The following SLC44A5 variants were observed in gnomAD, a reference collection of about 807,000 sequenced individuals.
The protein encoded by SLC44A5 is solute carrier family 44 member 5, also known as choline transporter-like protein 5.
In SLC44A5, 57 loss-of-function variants were observed where a neutral mutation model predicts 101.8. The observed-to-expected ratio is 0.56, with a 90% CI of 0.45 to 0.70. SLC44A5 has a LOEUF of 0.70. Ranked by LOEUF, SLC44A5 falls within the 30% of genes least tolerant of loss-of-function variation. The pLI is 0.00. For synonymous variants in SLC44A5, 281 were observed against 290.9 expected, an observed-to-expected ratio of 0.97 and a Z score of 0.35; for missense variants, 737 against 853.1, an observed-to-expected ratio of 0.86 and a Z score of 1.70.
intron 5 of SLC44A5, among the ~76,000 whole-genome samples, chr1:75,277,389 C>T (rs1174098709): frequency 6.6e-6 from 1 of 152,174 alleles, no homozygotes; most frequent in East Asian, 1.9e-4. Context: ...GTATAGATAG[C>T]TGCAGCTCAG....
intron 1 of SLC44A5, among the ~76,000 whole-genome samples, chr1:75,551,687 C>T (rs1480988795): frequency 6.6e-6 from 1 of 151,926 alleles, no homozygotes; most frequent in Admixed American, 6.6e-5. Context: ...AGAACCTGGG[C>T]AATGAAAAGC....
intron 3 of SLC44A5, among the ~76,000 whole-genome samples, chr1:75,383,614 C>A (rs1296331047): frequency 6.6e-6 from 1 of 152,108 alleles, no homozygotes; most frequent in African/African-American, 2.4e-5. Flanking sequence ...AGAATGGAAC[C>A]AAGTTGGAAA....
At chr1:75,206,577 T>A in intron 23 of SLC44A5, 1 of 1,380,690 alleles carries the variant, frequency 7.2e-7, no homozygotes. Context: ...AACTTCTACT[T>A]AAAAATGAGT....
chr1:75,224,866 TAA>T (rs1307344155), intron 13 of SLC44A5, among the ~76,000 whole-genome samples: 6 of 151,916 alleles, frequency 3.9e-5, no homozygotes, highest in Admixed American at 6.6e-5. Flanking sequence ...CGTGTGATTA[TAA>T]AAGAGTCAAA....
chr1:75,697,741 C>G, the SLC44A5 span, among the ~76,000 whole-genome samples: 1 of 152,178 alleles, frequency 6.6e-6, no homozygotes, highest in Non-Finnish European at 1.5e-5. Flanking sequence ...TCTGAGGTAC[C>G]GGGTTCATCT....
chr1:75,258,182 T>C (rs1367821607), intron 6 of SLC44A5, among the ~76,000 whole-genome samples: 1 of 151,882 alleles, frequency 6.6e-6, no homozygotes, highest in Non-Finnish European at 1.5e-5. Context: ...GGAATGCCAG[T>C]GAGACAGAAC....
At chr1:75,217,235 G>A (rs1646980221) in intron 18 of SLC44A5, among the ~76,000 whole-genome samples, 1 of 151,954 alleles carries the variant, frequency 6.6e-6, no homozygotes, top group African/African-American at 2.4e-5. Context: ...GGTCTTATAT[G>A]TGAGAGTTAG....
chr1:75,293,383 A>C (rs1653717996), intron 5 of SLC44A5, among the ~76,000 whole-genome samples: 1 of 152,194 alleles, frequency 6.6e-6, no homozygotes, highest in South Asian at 2.1e-4. Flanking sequence ...GCTTGCACCG[A>C]CACTTAAAAA....
At chr1:75,352,188 CT>C (rs999299706) in intron 3 of SLC44A5, among the ~76,000 whole-genome samples, 4 of 152,024 alleles carry the variant, frequency 2.6e-5, no homozygotes, top group Non-Finnish European at 5.9e-5. Flanking sequence ...TCTTCTTTGT[CT>C]CTTTTTTTTC....
At chr1:75,693,984 G>T in the SLC44A5 span, among the ~76,000 whole-genome samples, 2 of 151,764 alleles carry the variant, frequency 1.3e-5, no homozygotes, top group South Asian at 4.2e-4. Flanking sequence ...TCCATACAGT[G>T]TAAGTCTTGA....
chr1:75,718,839 C>T, the SLC44A5 span, among the ~76,000 whole-genome samples: 3 of 152,276 alleles, frequency 2.0e-5, no homozygotes, highest in African/African-American at 7.2e-5. Context: ...TTGTTTTGAG[C>T]TCTTTATAAC....
At chr1:75,473,741 T>G (rs1049414107) in intron 2 of SLC44A5, among the ~76,000 whole-genome samples, 1 of 152,226 alleles carries the variant, frequency 6.6e-6, no homozygotes, top group African/African-American at 2.4e-5. Context: ...GCCTTATTTT[T>G]TATGTTCTTT....
intron 1 of SLC44A5, among the ~76,000 whole-genome samples, chr1:75,554,025 G>C (rs1672085012): frequency 6.6e-6 from 1 of 152,126 alleles, no homozygotes; most frequent in African/African-American, 2.4e-5. Flanking sequence ...TGGGATAAGA[G>C]TTGAGGCCAA....
chr1:75,693,384 C>T, the SLC44A5 span, among the ~76,000 whole-genome samples: 3 of 152,118 alleles, frequency 2.0e-5, no homozygotes, highest in South Asian at 2.1e-4. Flanking sequence ...TCAGCAGCCC[C>T]GGTTAGGATT....
intron 4 of SLC44A5, among the ~76,000 whole-genome samples, chr1:75,315,228 A>G (rs1655602629): frequency 6.6e-6 from 1 of 152,184 alleles, no homozygotes; most frequent in Non-Finnish European, 1.5e-5. Context: ...TTTGACATGG[A>G]TTGGATTATA....
At chr1:75,615,862 T>TG (rs1325824383), upstream of SLC44A5, 4 of 987,928 alleles carry the variant, frequency 4.0e-6, no homozygotes, top group African/African-American at 7.0e-5. Flanking sequence ...CCCTTGATGC[T>TG]GGGGGGCTTT....
the SLC44A5 span, among the ~76,000 whole-genome samples, chr1:75,702,747 T>G: frequency 6.6e-6 from 1 of 152,134 alleles, no homozygotes; most frequent in Non-Finnish European, 1.5e-5. Context: ...AGAAAATTTT[T>G]GCAATCTACT....
At chr1:75,351,868 A>AAAAAAG (rs1553165361) in intron 3 of SLC44A5, among the ~76,000 whole-genome samples, 4 of 58,468 alleles carry the variant, frequency 6.8e-5, no homozygotes, top group African/African-American at 1.8e-4. Context: ...AAAAAAAAAA[A>AAAAAAG]AGAGAGAGAG....
chr1:75,330,488 G>A (rs965149230), intron 4 of SLC44A5, among the ~76,000 whole-genome samples: 2 of 151,948 alleles, frequency 1.3e-5, no homozygotes, highest in African/African-American at 2.4e-5. Context: ...TGCAACTATG[G>A]TTCAAAGTCC....
Sources: gnomAD v4.1 joint callset for allele counts (sites outside exome capture counted in the v4.1 genomes callset) on GRCh38, gnomAD v4.1.1 for gene constraint, MANE v1.5 for transcripts, NCBI Gene and HGNC (gene_info 2026-07-23, HGNC 2026-07-21) for gene names.